RNF185: variants seen among roughly 807,000 people sequenced by gnomAD.
RNF185 encodes the protein ring finger protein 185.
Under a neutral mutation model 24.9 loss-of-function variants are expected in RNF185, and 13 were observed. That is an observed-to-expected ratio of 0.52 (90% confidence interval 0.34 to 0.83). The LOEUF (loss-of-function observed/expected upper bound fraction) is 0.83, where lower values mean the gene tolerates loss of function less well. RNF185 is among the 40% of genes least tolerant of loss of function. The pLI, the probability that RNF185 is intolerant of heterozygous loss-of-function variation, is 0.01. For missense variants in RNF185, 184 were observed against 244.7 expected (o/e 0.75, Z 1.65); for synonymous variants, 79 against 90.3 (o/e 0.88, Z 0.71).
rs530325266 is a variant in RNF185, at chr22:31,176,267, C to T, written c.-48-10780C>T. 9.3e-5 allele frequency among the ~76,000 whole-genome samples: 14 copies of T among 149,956 alleles called. No homozygotes were observed. The Middle Eastern group carries it at 0.01, about 111-fold the overall frequency. ...TTTTTTTTTTTTTGAGACAGAATCT[C>T]GCTCTGTCGCCCAGGCTGGAGTGCA... is the stretch of plus-strand genomic sequence containing the variant. On this transcript the variant is annotated intron_variant, in intron 1 of 6. Coordinates refer to ENST00000326132, the MANE Select transcript of RNF185 (RefSeq NM_152267.4).
chr22:31,184,020 C>A lies in RNF185; in HGVS notation c.-48-3027C>A, dbSNP rs540744725. 3.0e-3 allele frequency among the ~76,000 whole-genome samples: 451 copies of A among 149,318 alleles called. 5 individuals carry two copies. Among genetic ancestry groups the A allele is most frequent in the Non-Finnish European group, 5.0e-3 (335 of 67,106 alleles). ...GCAGCTGGCCGGGCGGGGGCTGCCC[C>A]CCCCCACCTCCCGGACGGGGCGGCT... On this transcript the variant is annotated intron_variant, in intron 1 of 6. Transcript: ENST00000326132.
intron 1 of RNF185, among the ~76,000 whole-genome samples, chr22:31,163,509 G>A (rs963756660): frequency 6.6e-6 from 1 of 151,666 alleles, no homozygotes; most frequent in African/African-American, 2.4e-5. Context: ...TAGGTTTCTT[G>A]TAGAGATGAG....
intron 4 of RNF185, among the ~76,000 whole-genome samples, chr22:31,196,452 T>A (rs2147959072): frequency 6.6e-6 from 1 of 152,318 alleles, no homozygotes; most frequent in Non-Finnish European, 1.5e-5. Context: ...GTTGAGTGAT[T>A]TGAGGGGGTG....
chr22:31,167,201 G>C (rs766815712), intron 1 of RNF185, among the ~76,000 whole-genome samples: 23 of 151,012 alleles, frequency 1.5e-4, no homozygotes, highest in Non-Finnish European at 2.5e-4. Context: ...TTTGAGATAG[G>C]GTCTCACTCT....
At chr22:31,194,700 CCTGGGTGACAGAGCAAGA>C (rs2048188183) in intron 3 of RNF185, among the ~76,000 whole-genome samples, 1 of 152,008 alleles carries the variant, frequency 6.6e-6, no homozygotes, top group Non-Finnish European at 1.5e-5. Context: ...TACACTCCAG[CCTGGGTGACAGAGCAAGA>C]CTCTGTCTGG....
At chr22:31,188,983 G>A (rs543328235) in intron 2 of RNF185, among the ~76,000 whole-genome samples, 11 of 144,134 alleles carry the variant, frequency 7.6e-5, no homozygotes, top group South Asian at 4.4e-4. Flanking sequence ...AAAATTAGCC[G>A]GGTGTGGTGG....
intron 3 of RNF185, 130 bp downstream of exon 3, chr22:31,192,832 C>T: frequency 1.2e-6 from 1 of 814,020 alleles, no homozygotes; most frequent in Non-Finnish European, 2.1e-6. Flanking sequence ...CTTACCCCCA[C>T]AGCCTTCTTT....
At chr22:31,168,012 A>G (rs1924038611) in intron 1 of RNF185, among the ~76,000 whole-genome samples, 1 of 152,180 alleles carries the variant, frequency 6.6e-6, no homozygotes, top group African/African-American at 2.4e-5. Context: ...CATGTTCTAG[A>G]AACATCACCA....
At chr22:31,181,900 T>C (rs1302758849) in intron 1 of RNF185, among the ~76,000 whole-genome samples, 3 of 151,944 alleles carry the variant, frequency 2.0e-5, no homozygotes, top group African/African-American at 7.3e-5. Flanking sequence ...GTATACCTAA[T>C]GTAAATGACG....
At chr22:31,171,522 A>G (rs2047929576) in intron 1 of RNF185, among the ~76,000 whole-genome samples, 1 of 150,922 alleles carries the variant, frequency 6.6e-6, no homozygotes, top group South Asian at 2.1e-4. Context: ...GGCATTCTCT[A>G]AGTGTTTGCC....
intron 2 of RNF185, among the ~76,000 whole-genome samples, chr22:31,189,490 C>T (rs2048134912): frequency 1.3e-5 from 2 of 150,988 alleles, no homozygotes; most frequent in Admixed American, 6.6e-5. Flanking sequence ...AGAGATGGGG[C>T]TTCGCCATGC....
At chr22:31,175,490 C>T (rs1260905298) in intron 1 of RNF185, among the ~76,000 whole-genome samples, 1 of 149,778 alleles carries the variant, frequency 6.7e-6, no homozygotes, top group African/African-American at 2.5e-5. Flanking sequence ...TTTTGGAAAA[C>T]ATACATGTCA....
intron 1 of RNF185, among the ~76,000 whole-genome samples, chr22:31,176,115 C>T (rs2147932235): frequency 6.6e-6 from 1 of 152,160 alleles, no homozygotes; most frequent in East Asian, 1.9e-4. Context: ...GTGGCAAGTA[C>T]ATGTAAGTAT....
chr22:31,195,107 C>T (rs971686612), intron 3 of RNF185, among the ~76,000 whole-genome samples: 2 of 152,040 alleles, frequency 1.3e-5, no homozygotes, highest in African/African-American at 4.8e-5. Context: ...CATGCGCCAC[C>T]ATGTCTGGCT....
chr22:31,194,196 C>A (rs1239754238), intron 3 of RNF185, among the ~76,000 whole-genome samples: 5 of 151,704 alleles, frequency 3.3e-5, no homozygotes, highest in African/African-American at 7.3e-5. Context: ...CCGCGCCTGG[C>A]CTAAACAAAA....
At chr22:31,179,879 C>A (rs1011707087) in intron 1 of RNF185, among the ~76,000 whole-genome samples, 9 of 152,204 alleles carry the variant, frequency 5.9e-5, no homozygotes, top group African/African-American at 2.2e-4. Context: ...CCAACAGCAA[C>A]AGCCCTGTCC....
chr22:31,163,332 C>CT (rs1445543925), intron 1 of RNF185, among the ~76,000 whole-genome samples: 8 of 149,830 alleles, frequency 5.3e-5, no homozygotes, highest in African/African-American at 2.0e-4. Flanking sequence ...GCATCGTGTA[C>CT]ATTTTTTTTT....
At chr22:31,164,168 G>A (rs1923762316) in intron 1 of RNF185, among the ~76,000 whole-genome samples, 3 of 149,792 alleles carry the variant, frequency 2.0e-5, no homozygotes, top group South Asian at 4.2e-4. Flanking sequence ...TTTTAGTAGA[G>A]GTGGGTTTCA....
At chr22:31,190,150 G>A (rs1184235741) in intron 2 of RNF185, among the ~76,000 whole-genome samples, 1 of 152,224 alleles carries the variant, frequency 6.6e-6, no homozygotes, top group Non-Finnish European at 1.5e-5. Flanking sequence ...TGACATTTTG[G>A]TCAACAATGG....
Sources: allele counts gnomAD v4.1 joint callset (sites outside exome capture counted in the v4.1 genomes callset), GRCh38; gene constraint gnomAD v4.1.1; transcripts MANE v1.5; gene names NCBI Gene and HGNC (gene_info 2026-07-23, HGNC 2026-07-21).